Variants in TMEM108 observed in about 807,000 individuals in gnomAD.
TMEM108 encodes cancer/testis antigen 124.
Under a neutral mutation model 35.1 loss-of-function variants are expected in TMEM108, and 12 were observed. The observed-to-expected ratio is 0.34, with a 90% CI of 0.22 to 0.55. The LOEUF (loss-of-function observed/expected upper bound fraction) is 0.55. TMEM108 is among the 20% of genes least tolerant of loss of function. The probability of loss-of-function intolerance (pLI) is 0.89; values close to 1 mark genes in which losing one functional copy is unlikely to be tolerated. For missense variants in TMEM108, 680 were observed against 753.3 expected (o/e 0.90, Z 1.14); for synonymous variants, 287 against 308.6 (o/e 0.93, Z 0.73).
chr3:133,277,942 C>T (rs757902854), intron 3 of TMEM108, among the ~76,000 whole-genome samples: 1 of 152,152 alleles, frequency 6.6e-6, no homozygotes, highest in African/African-American at 2.4e-5. Context: ...TTATTGCAAA[C>T]CCCAGTGGAA....
intron 2 of TMEM108, among the ~76,000 whole-genome samples, chr3:133,076,161 A>G (rs1943740344): frequency 6.6e-6 from 1 of 151,810 alleles, no homozygotes. Context: ...ACTCATCAAC[A>G]TATATACATT....
intron 3 of TMEM108, among the ~76,000 whole-genome samples, chr3:133,312,619 C>T (rs991173376): frequency 3.3e-5 from 5 of 152,202 alleles, no homozygotes; most frequent in African/African-American, 1.2e-4. Context: ...CCTGTTTTTC[C>T]AGGTACAGTC....
intron 2 of TMEM108, among the ~76,000 whole-genome samples, chr3:133,224,022 T>G (rs946641936): frequency 6.6e-6 from 1 of 152,228 alleles, no homozygotes; most frequent in African/African-American, 2.4e-5. Context: ...GTTCCATGTA[T>G]TATGGGAAGT....
At chr3:133,172,653 C>T (rs996620370) in intron 2 of TMEM108, among the ~76,000 whole-genome samples, 5 of 152,144 alleles carry the variant, frequency 3.3e-5, no homozygotes, top group Admixed American at 6.5e-5. Context: ...TTAGGTTTAA[C>T]TTATAATACA....
At chr3:133,338,687 T>C (rs1161129928) in intron 3 of TMEM108, among the ~76,000 whole-genome samples, 1 of 152,122 alleles carries the variant, frequency 6.6e-6, no homozygotes, top group Non-Finnish European at 1.5e-5. Context: ...GTGTGTAAAC[T>C]GCTCATATCT....
At chr3:133,229,190 C>T in intron 2 of TMEM108, 76 bp from the exon 3 acceptor site, 1 of 933,958 alleles carries the variant, frequency 1.1e-6, no homozygotes. Flanking sequence ...TAACCAAGAT[C>T]CTATTGAGTG....
At chr3:133,237,852 A>G (rs1946260440) in intron 3 of TMEM108, among the ~76,000 whole-genome samples, 1 of 152,184 alleles carries the variant, frequency 6.6e-6, no homozygotes, top group Middle Eastern at 3.2e-3. Flanking sequence ...GTTTGTCATG[A>G]GTTAATATTT....
intron 2 of TMEM108, among the ~76,000 whole-genome samples, chr3:133,173,911 G>C (rs1408358409): frequency 6.6e-6 from 1 of 152,238 alleles, no homozygotes; most frequent in Non-Finnish European, 1.5e-5. Flanking sequence ...CAAGGGGTTA[G>C]GGAATTCCCT....
At chr3:133,045,338 T>C (rs757641579) in intron 1 of TMEM108, among the ~76,000 whole-genome samples, 2 of 152,096 alleles carry the variant, frequency 1.3e-5, no homozygotes, top group Non-Finnish European at 2.9e-5. Flanking sequence ...AGACTCAGAG[T>C]AGTTAAGTAA....
At chr3:133,047,522 C>A (rs1943354522) in intron 2 of TMEM108, among the ~76,000 whole-genome samples, 1 of 152,168 alleles carries the variant, frequency 6.6e-6, no homozygotes, top group African/African-American at 2.4e-5. Context: ...TTTATTGACA[C>A]TTTGAGCCAG....
intron 2 of TMEM108, among the ~76,000 whole-genome samples, chr3:133,098,019 A>G (rs919038481): frequency 1.3e-5 from 2 of 152,212 alleles, no homozygotes; most frequent in Non-Finnish European, 2.9e-5. Flanking sequence ...GCCTGGATGG[A>G]TACTCACCAA....
intron 3 of TMEM108, among the ~76,000 whole-genome samples, chr3:133,314,870 A>G (rs1415401110): frequency 1.3e-5 from 2 of 152,234 alleles, no homozygotes; most frequent in African/African-American, 4.8e-5. Flanking sequence ...AACAGTGACA[A>G]CGACAACCTG....
At chr3:133,161,595 A>C (rs1306467138) in intron 2 of TMEM108, among the ~76,000 whole-genome samples, 1 of 152,142 alleles carries the variant, frequency 6.6e-6, no homozygotes, top group Non-Finnish European at 1.5e-5. Context: ...AAATGTGAAA[A>C]TATAACTGGG....
chr3:133,270,233 T>C (rs1337819714), intron 3 of TMEM108, among the ~76,000 whole-genome samples: 3 of 152,130 alleles, frequency 2.0e-5, no homozygotes, highest in Non-Finnish European at 4.4e-5. Context: ...CAGTATAGGT[T>C]ATTATTATCT....
At chr3:133,201,272 T>G (rs113439769) in intron 2 of TMEM108, among the ~76,000 whole-genome samples, 2,280 of 152,238 alleles carry the variant, frequency 0.015, 77 homozygotes, top group African/African-American at 0.051. Context: ...TCTTCAACTT[T>G]TAGACCTGAA....
intron 2 of TMEM108, among the ~76,000 whole-genome samples, chr3:133,155,007 T>C (rs1256703685): frequency 1.3e-5 from 2 of 152,122 alleles, no homozygotes; most frequent in African/African-American, 4.8e-5. Flanking sequence ...CTCTCCCCAC[T>C]TCCACTTTCC....
At chr3:133,358,169 CT>C (rs11339689) in intron 3 of TMEM108, among the ~76,000 whole-genome samples, 133,025 of 143,284 alleles carry the variant, frequency 0.93, 62,170 homozygotes, top group Non-Finnish European at 0.99. Flanking sequence ...AGTCTATGGT[CT>C]TTTTTTTTTT....
At chr3:133,389,683 CAA>C (rs769371033) in intron 4 of TMEM108, 21 of 100,456 alleles carry the variant, frequency 2.1e-4, no homozygotes, top group Non-Finnish European at 2.7e-4. Context: ...TAGACTCCAT[CAA>C]AAAAAAAAAA....
chr3:133,105,873 G>GT (rs1253445634), intron 2 of TMEM108, among the ~76,000 whole-genome samples: 1 of 152,132 alleles, frequency 6.6e-6, no homozygotes. Flanking sequence ...ATTTTTCTCT[G>GT]TTATAGCCTG....
Sources: gnomAD v4.1 joint callset for allele counts (sites outside exome capture counted in the v4.1 genomes callset) on GRCh38, gnomAD v4.1.1 for gene constraint, MANE v1.5 for transcripts, NCBI Gene and HGNC (gene_info 2026-07-23, HGNC 2026-07-21) for gene names.